Variants in DOK6 observed in about 807,000 individuals in gnomAD.
DOK6 encodes the protein downstream of tyrosine kinase 6.
DOK6 carries 22 observed loss-of-function variants against 44.0 expected under a neutral mutation model. That is an observed-to-expected ratio of 0.50 (90% confidence interval 0.36 to 0.71). The LOEUF (loss-of-function observed/expected upper bound fraction) is 0.71, where lower values mean the gene tolerates loss of function less well. Ranked by LOEUF, DOK6 falls within the 30% of genes least tolerant of loss-of-function variation. The pLI is 0.00. For missense variants in DOK6, 340 were observed against 416.4 expected (o/e 0.82, Z 1.60); for synonymous variants, 166 against 145.5 (o/e 1.14, Z -1.01).
chr18:69,667,471 A>T (rs541554230), intron 3 of DOK6, among the ~76,000 whole-genome samples: 2 of 152,292 alleles, frequency 1.3e-5, no homozygotes, highest in African/African-American at 4.8e-5. Flanking sequence ...AACTTTCCTT[A>T]TTAAGGGAGC....
intron 2 of DOK6, among the ~76,000 whole-genome samples, chr18:69,582,258 A>G (rs549660392): frequency 6.6e-6 from 1 of 152,336 alleles, no homozygotes; most frequent in South Asian, 2.1e-4. Context: ...TAATTGGTCC[A>G]TAGGCTATAG....
Position 69,842,479 on chromosome 18 carries a change from AAAGAG to A in DOK6, c.*1101_*1105del, listed in dbSNP as rs1391393039. The A allele has an allele frequency of 6.6e-6, 1 of 152,242 alleles. No homozygotes were observed. Among genetic ancestry groups the A allele is most frequent in the Non-Finnish European group, 1.5e-5 (1 of 68,038 alleles). The allele number at this position is 152,242 out of a possible 1,614,324, so 9.4% of individuals were successfully genotyped here. On this transcript the variant is annotated 3_prime_UTR_variant, in exon 8 of 8. Coordinates refer to ENST00000382713, the MANE Select transcript of DOK6 (RefSeq NM_152721.6). ...ATAAAGAACTCAGCTATTTTGCAGT[AAAGAG>A]AAGAACAAAATGGGTACAGGATTGT... is the stretch of plus-strand genomic sequence containing the variant.
Position 69,848,378 on chromosome 18 carries a change from T to C in DOK6, c.*6995T>C, listed in dbSNP as rs1429288207. The C allele has an allele frequency of 2.0e-4, 31 of 152,162 alleles. No homozygotes were observed. Among genetic ancestry groups the C allele is most frequent in the Admixed American group, 2.0e-3 (31 of 15,280 alleles). The allele number at this position is 152,162 out of a possible 1,614,324, so 9.4% of individuals were successfully genotyped here. On this transcript the variant is annotated 3_prime_UTR_variant, in exon 8 of 8. Transcript: ENST00000382713. ...AATAAAACACCCATTATAAATTTGC[T>C]TCTGTTGGAAAATACATGATTTGGC...
chr18:69,803,645 C>T (rs1367745176), intron 7 of DOK6, among the ~76,000 whole-genome samples: 4 of 152,212 alleles, frequency 2.6e-5, no homozygotes, highest in Middle Eastern at 3.4e-3. Flanking sequence ...AGGTGGATCA[C>T]GAGGTCAGAG....
intron 7 of DOK6, among the ~76,000 whole-genome samples, chr18:69,832,216 A>G (rs1301350076): frequency 1.3e-5 from 2 of 152,140 alleles, no homozygotes; most frequent in Non-Finnish European, 2.9e-5. Flanking sequence ...TCTATACCCA[A>G]TTCTTTGAGG....
At chr18:69,825,567 G>A (rs894223469) in intron 7 of DOK6, among the ~76,000 whole-genome samples, 1 of 151,068 alleles carries the variant, frequency 6.6e-6, no homozygotes, top group African/African-American at 2.4e-5. Context: ...CCGAGTAGCT[G>A]GGACTACAGG....
chr18:69,420,080 A>AT (rs892029889), intron 1 of DOK6, among the ~76,000 whole-genome samples: 1 of 152,078 alleles, frequency 6.6e-6, no homozygotes, highest in East Asian at 1.9e-4. Context: ...TTTTTTGACA[A>AT]TTTTTTTGTG....
At chr18:69,701,319 G>C (rs756015137) in intron 5 of DOK6, among the ~76,000 whole-genome samples, 1 of 152,222 alleles carries the variant, frequency 6.6e-6, no homozygotes, top group Non-Finnish European at 1.5e-5. Context: ...TCAGCTCGGA[G>C]CAATTGCTCT....
At chr18:69,571,423 TC>T (rs1327509772) in intron 2 of DOK6, among the ~76,000 whole-genome samples, 1 of 151,968 alleles carries the variant, frequency 6.6e-6, no homozygotes, top group Non-Finnish European at 1.5e-5. Flanking sequence ...TAGTAAACAT[TC>T]CAATTAAAAA....
chr18:69,699,448 C>T (rs1986462356), intron 5 of DOK6, among the ~76,000 whole-genome samples: 1 of 152,000 alleles, frequency 6.6e-6, no homozygotes, highest in African/African-American at 2.4e-5. Context: ...AGGGTAGGTC[C>T]CATGTCTCTT....
At chr18:69,681,039 T>C (rs752284388) in intron 4 of DOK6, among the ~76,000 whole-genome samples, 12 of 152,224 alleles carry the variant, frequency 7.9e-5, no homozygotes, top group Non-Finnish European at 1.5e-4. Flanking sequence ...TGAATAATCT[T>C]TTATCAAAGA....
intron 3 of DOK6, among the ~76,000 whole-genome samples, chr18:69,651,975 C>G (rs1985241415): frequency 6.6e-6 from 1 of 152,120 alleles, no homozygotes; most frequent in African/African-American, 2.4e-5. Context: ...GATTTGATAA[C>G]CAAAAGAGCA....
chr18:69,652,513 G>C (rs1309674348), intron 3 of DOK6, among the ~76,000 whole-genome samples: 1 of 152,194 alleles, frequency 6.6e-6, no homozygotes, highest in Admixed American at 6.5e-5. Flanking sequence ...GAGTAGATGA[G>C]TTTATTAGGA....
At chr18:69,541,156 T>C (rs12958013) in intron 1 of DOK6, among the ~76,000 whole-genome samples, 15,111 of 151,816 alleles carry the variant, frequency 0.1, 1,426 homozygotes, top group Non-Finnish European at 0.15. Context: ...CTATGAGTTT[T>C]ATTTTACCCA....
At chr18:69,626,529 A>G (rs1599229152) in intron 3 of DOK6, among the ~76,000 whole-genome samples, 1 of 152,258 alleles carries the variant, frequency 6.6e-6, no homozygotes, top group Non-Finnish European at 1.5e-5. Context: ...GCAAAAAGCT[A>G]TAAGCTGAAT....
intron 1 of DOK6, among the ~76,000 whole-genome samples, chr18:69,542,557 A>G (rs1982297446): frequency 6.6e-6 from 1 of 151,608 alleles, no homozygotes; most frequent in African/African-American, 2.4e-5. Context: ...ACGTAGCGCT[A>G]CACGAAAAGC....
At chr18:69,612,429 G>A (rs1984171076) in intron 3 of DOK6, among the ~76,000 whole-genome samples, 2 of 147,262 alleles carry the variant, frequency 1.4e-5, no homozygotes, top group African/African-American at 2.4e-5. Context: ...GTGCGAGGGC[G>A]CATGTGTGCG....
At chr18:69,691,253 G>A (rs891644297) in intron 4 of DOK6, among the ~76,000 whole-genome samples, 9 of 151,890 alleles carry the variant, frequency 5.9e-5, no homozygotes, top group Admixed American at 2.0e-4. Flanking sequence ...GGACTTTCTT[G>A]TTGTCTCTGT....
chr18:69,532,246 C>T (rs2084695954), intron 1 of DOK6, among the ~76,000 whole-genome samples: 1 of 152,160 alleles, frequency 6.6e-6, no homozygotes, highest in South Asian at 2.1e-4. Context: ...GAGCTCTGGT[C>T]CCTTCTCCCG....
Sources: gnomAD v4.1 joint callset for allele counts (sites outside exome capture counted in the v4.1 genomes callset) on GRCh38, gnomAD v4.1.1 for gene constraint, MANE v1.5 for transcripts, NCBI Gene and HGNC (gene_info 2026-07-23, HGNC 2026-07-21) for gene names.